Variants in MDGA2 observed in about 807,000 individuals in gnomAD.
MDGA2 encodes the protein MAM domain containing glycosylphosphatidylinositol anchor 2.
Under a neutral mutation model 117.8 loss-of-function variants are expected in MDGA2, and 40 were observed. That is an observed-to-expected ratio of 0.34 (90% confidence interval 0.26 to 0.44). The LOEUF is 0.44. Among genes scored for constraint, MDGA2 ranks in the 20% least tolerant of loss-of-function variants. The probability of loss-of-function intolerance (pLI) is 1.00; values close to 1 mark genes in which losing one functional copy is unlikely to be tolerated. For synonymous variants in MDGA2, 452 were observed against 439.0 expected, an observed-to-expected ratio of 1.03 and a Z score of -0.37; for missense variants, 1,123 against 1,250.6, an observed-to-expected ratio of 0.90 and a Z score of 1.54.
chr14:47,289,052 A>G (rs148881517), intron 2 of MDGA2, among the ~76,000 whole-genome samples: 3 of 152,182 alleles, frequency 2.0e-5, no homozygotes, highest in African/African-American at 7.2e-5. Context: ...AGTATTTTCT[A>G]TATTTGTAAG....
At position 46,855,248 on chromosome 14, in the gene MDGA2, A is replaced by G; in HGVS notation, c.2753-94T>C. The stretch of plus-strand genomic sequence containing the variant: ...ACACTTGTAAACTTTTTAAACTGAA[A>G]TTTTACAGAACACTCTAGTGTCTTG... On this transcript the variant is annotated intron_variant, in intron 14 of 16. Transcript: ENST00000399232. This position sits in a 1 kb window ranked among gnomAD's most constrained non-coding sequence, Gnocchi z 4.1. 2.0e-6 allele frequency: 2 copies of G among 1,018,578 alleles called. No homozygotes were observed. The highest frequency in any genetic ancestry group is 2.9e-6 in the Non-Finnish European group (2 of 698,700). The allele number at this position is 1,018,578 out of a possible 1,614,324, so 63.1% of individuals were successfully genotyped here.
intron 1 of MDGA2, among the ~76,000 whole-genome samples, chr14:47,615,708 C>G (rs1163923834): frequency 6.6e-6 from 1 of 152,164 alleles, no homozygotes; most frequent in Non-Finnish European, 1.5e-5. Context: ...TCATTTATCA[C>G]CAGCTTAGGT....
chr14:47,412,207 CA>C (rs535967930), intron 1 of MDGA2, among the ~76,000 whole-genome samples: 88 of 152,098 alleles, frequency 5.8e-4, no homozygotes, highest in Non-Finnish European at 1.1e-3. Context: ...AACAAACAAA[CA>C]AAAAACCTTG....
At chr14:46,958,472 A>G (rs4900720) in intron 8 of MDGA2, among the ~76,000 whole-genome samples, 1 of 121,308 alleles carries the variant, frequency 8.2e-6, no homozygotes, top group Non-Finnish European at 1.6e-5. Context: ...ATGATCAAAT[A>G]ATTTTTTTCT....
intron 8 of MDGA2, among the ~76,000 whole-genome samples, chr14:46,967,466 G>A (rs1469120583): frequency 1.3e-5 from 2 of 152,160 alleles, no homozygotes; most frequent in Non-Finnish European, 2.9e-5. Flanking sequence ...TATTAGGTCA[G>A]GGAATTAAAT....
At chr14:47,273,294 G>A (rs1888206585) in intron 2 of MDGA2, among the ~76,000 whole-genome samples, 1 of 152,078 alleles carries the variant, frequency 6.6e-6, no homozygotes, top group African/African-American at 2.4e-5. Flanking sequence ...TATTAATGAA[G>A]CCAGGATGAC....
At chr14:47,651,735 G>A (rs1051453933) in intron 1 of MDGA2, among the ~76,000 whole-genome samples, 3 of 152,120 alleles carry the variant, frequency 2.0e-5, no homozygotes, top group African/African-American at 7.2e-5. Flanking sequence ...AACGGTGGTG[G>A]CAGTGGTACA....
chr14:47,540,117 C>T (rs2138752508), intron 1 of MDGA2, among the ~76,000 whole-genome samples: 2 of 152,258 alleles, frequency 1.3e-5, no homozygotes, highest in Non-Finnish European at 2.9e-5. Flanking sequence ...GGGTTCACGC[C>T]ATTCATCTGC....
chr14:47,139,005 T>TATTCA (rs1479769481), intron 4 of MDGA2, among the ~76,000 whole-genome samples: 1 of 152,036 alleles, frequency 6.6e-6, no homozygotes, highest in Non-Finnish European at 1.5e-5. Flanking sequence ...CAGGAATAAA[T>TATTCA]ATTCAATTCA....
At chr14:47,000,071 A>G (rs2138478526) in intron 8 of MDGA2, among the ~76,000 whole-genome samples, 1 of 151,938 alleles carries the variant, frequency 6.6e-6, no homozygotes, top group South Asian at 2.1e-4. Flanking sequence ...CTTGCCTAAA[A>G]AAAACTGCAA....
chr14:47,475,410 A>G (rs1004378311), intron 1 of MDGA2, among the ~76,000 whole-genome samples: 4 of 152,212 alleles, frequency 2.6e-5, no homozygotes, highest in African/African-American at 9.6e-5. Flanking sequence ...TACAGAAGAC[A>G]GTGTGGCAAT....
chr14:46,918,894 T>G (rs1369457123), intron 10 of MDGA2, among the ~76,000 whole-genome samples: 1 of 151,580 alleles, frequency 6.6e-6, no homozygotes, highest in African/African-American at 2.4e-5. Flanking sequence ...CCCGAGTAGC[T>G]GGGACTACAG....
intron 1 of MDGA2, among the ~76,000 whole-genome samples, chr14:47,621,714 T>C (rs944264744): frequency 6.6e-6 from 1 of 152,204 alleles, no homozygotes; most frequent in African/African-American, 2.4e-5. Context: ...CCTACTGTGG[T>C]CTGAATGTTG....
chr14:47,095,630 A>T (rs1398762333), intron 6 of MDGA2, among the ~76,000 whole-genome samples: 1 of 147,858 alleles, frequency 6.8e-6, no homozygotes, highest in Non-Finnish European at 1.5e-5. Flanking sequence ...TACATGTTAT[A>T]CATGTACATA....
intron 2 of MDGA2, among the ~76,000 whole-genome samples, chr14:47,295,735 C>G (rs1054702691): frequency 6.6e-6 from 1 of 151,928 alleles, no homozygotes; most frequent in Non-Finnish European, 1.5e-5. Context: ...GAAACTGGGT[C>G]TTTATTAAAA....
At chr14:47,431,442 T>C (rs533270499) in intron 1 of MDGA2, among the ~76,000 whole-genome samples, 17 of 152,162 alleles carry the variant, frequency 1.1e-4, no homozygotes, top group African/African-American at 3.6e-4. Flanking sequence ...ATGGGACTCA[T>C]ATGTGGAAAG....
intron 8 of MDGA2, among the ~76,000 whole-genome samples, chr14:46,963,965 T>A (rs1314677291): frequency 6.6e-6 from 1 of 152,202 alleles, no homozygotes; most frequent in African/African-American, 2.4e-5. Context: ...TATGTTCATT[T>A]CATTAAGTCT....
intron 1 of MDGA2, among the ~76,000 whole-genome samples, chr14:47,397,134 T>C (rs1892029176): frequency 6.6e-6 from 1 of 152,144 alleles, no homozygotes; most frequent in Non-Finnish European, 1.5e-5. Context: ...ATATTCACCA[T>C]GGAATACTAT....
chr14:47,101,154 A>C (rs1254234439), intron 5 of MDGA2, among the ~76,000 whole-genome samples: 2 of 152,002 alleles, frequency 1.3e-5, no homozygotes, highest in Admixed American at 1.3e-4. Context: ...TTGGTCCTGG[A>C]GAGGCATAGT....
Sources: gnomAD v4.1 joint callset for allele counts (sites outside exome capture counted in the v4.1 genomes callset) on GRCh38, gnomAD v4.1.1 for gene constraint, Gnocchi (gnomAD v3.1) non-coding constraint, MANE v1.5 for transcripts, NCBI Gene and HGNC (gene_info 2026-07-23, HGNC 2026-07-21) for gene names.